Variants in TASP1 observed in about 807,000 individuals in gnomAD.
TASP1 encodes the protein taspase 1.
TASP1 carries 16 observed loss-of-function variants against 56.6 expected under a neutral mutation model. That is an observed-to-expected ratio of 0.28 (90% CI 0.19 to 0.43). The LOEUF is 0.43. Ranked by LOEUF, TASP1 falls within the 20% of genes least tolerant of loss-of-function variation. The probability of loss-of-function intolerance (pLI) is 1.00; values close to 1 mark genes in which losing one functional copy is unlikely to be tolerated. For synonymous variants in TASP1, 179 were observed against 184.2 expected (o/e 0.97, Z 0.23); for missense variants, 393 against 511.6 (o/e 0.77, Z 2.24).
chr20:13,396,320 TAG>T (rs1295609443), intron 13 of TASP1, among the ~76,000 whole-genome samples: 1 of 152,368 alleles, frequency 6.6e-6, no homozygotes, highest in East Asian at 1.9e-4. Flanking sequence ...GCTCTAAAAA[TAG>T]AGTTTGGTCG....
chr20:13,151,031 T>C, the TASP1 span, among the ~76,000 whole-genome samples: 6 of 152,220 alleles, frequency 3.9e-5, no homozygotes, highest in African/African-American at 1.2e-4. Flanking sequence ...TTTATTAATG[T>C]CTGTTTCTCT....
intron 8 of TASP1, among the ~76,000 whole-genome samples, chr20:13,548,546 G>T (rs944637486): frequency 2.6e-5 from 4 of 152,152 alleles, no homozygotes; most frequent in Admixed American, 2.6e-4. Flanking sequence ...GGAAAATAAA[G>T]AGCAAGGAGC....
chr20:13,288,441 G>T, the TASP1 span: 20 of 1,298,274 alleles, frequency 1.5e-5, no homozygotes, highest in Non-Finnish European at 1.8e-5. Context: ...CCCTCCCACA[G>T]CGAGAAGGAT....
At chr20:13,151,364 C>A in the TASP1 span, among the ~76,000 whole-genome samples, 1 of 152,208 alleles carries the variant, frequency 6.6e-6, no homozygotes, top group Admixed American at 6.5e-5. Context: ...TCCTTGCTAA[C>A]ACCCAAGTGG....
chr20:13,221,768 C>G, the TASP1 span: 2 of 1,436,056 alleles, frequency 1.4e-6, no homozygotes, highest in Non-Finnish European at 1.8e-6. Flanking sequence ...AGCCGCGCGT[C>G]TCAAAAGGAT....
the TASP1 span, among the ~76,000 whole-genome samples, chr20:13,136,956 A>C: frequency 6.6e-6 from 1 of 152,064 alleles, no homozygotes; most frequent in Non-Finnish European, 1.5e-5. Context: ...TCTACTTTCC[A>C]TAGGAAGAAA....
chr20:13,145,958 A>G, the TASP1 span, among the ~76,000 whole-genome samples: 20 of 152,370 alleles, frequency 1.3e-4, no homozygotes, highest in African/African-American at 4.8e-4. Context: ...TAATTCTGCC[A>G]TAAAGCCACA....
chr20:13,396,452 A>G (rs1363601713), intron 13 of TASP1, among the ~76,000 whole-genome samples: 1 of 152,176 alleles, frequency 6.6e-6, no homozygotes, highest in Admixed American at 6.5e-5. Context: ...ACTATGGGTG[A>G]AAAGATCTGG....
the TASP1 span, among the ~76,000 whole-genome samples, chr20:13,324,228 C>T: frequency 1.3e-5 from 2 of 152,198 alleles, no homozygotes; most frequent in African/African-American, 2.4e-5. Context: ...TGGGTTGTCT[C>T]TGACTTTCAC....
rs564634388 is a variant in TASP1 at position 13,393,176 on chromosome 20, T to C, written c.1171-2724A>G. On this transcript the variant is annotated intron_variant, in intron 13 of 13. Coordinates refer to ENST00000337743, the MANE Select transcript of TASP1 (RefSeq NM_017714.3). Reference sequence around the variant, plus strand: ...TGGCCAAAGCCATCTATGACAACTTTGGTATCATGGAAGGATTCATGACCA... The same window carrying C: ...TGGCCAAAGCCATCTATGACAACTTCGGTATCATGGAAGGATTCATGACCA... 15 of 687,552 alleles carry C rather than the reference T, an allele frequency of 2.2e-5. No homozygotes were observed. The African/African-American group carries it at 2.5e-4, about 11-fold the overall frequency. 42.6% of individuals were successfully genotyped at this position (687,552 alleles called of 1,614,324 possible).
intron 12 of TASP1, among the ~76,000 whole-genome samples, 162 bp from the exon 13 acceptor site, chr20:13,417,683 CTG>C (rs1235675368): frequency 6.6e-6 from 1 of 152,230 alleles, no homozygotes; most frequent in African/African-American, 2.4e-5. Context: ...ATCACTAAAA[CTG>C]TGTAATGCCA....
chr20:13,480,902 C>A (rs2043116886), intron 11 of TASP1, among the ~76,000 whole-genome samples: 1 of 152,072 alleles, frequency 6.6e-6, no homozygotes, highest in Non-Finnish European at 1.5e-5. Flanking sequence ...AATAATCACA[C>A]CATCAACTAT....
the TASP1 span, among the ~76,000 whole-genome samples, chr20:13,323,613 A>G: frequency 6.6e-6 from 1 of 152,240 alleles, no homozygotes; most frequent in Non-Finnish European, 1.5e-5. Flanking sequence ...TAATCTTTAT[A>G]ACTACCATAC....
the TASP1 span, among the ~76,000 whole-genome samples, chr20:13,262,466 T>A: frequency 7.1e-6 from 1 of 140,804 alleles, no homozygotes; most frequent in Non-Finnish European, 1.6e-5. Context: ...TTTCTTTTTC[T>A]TTTTTTTTTT....
chr20:13,193,121 G>A, the TASP1 span, among the ~76,000 whole-genome samples: 2 of 151,944 alleles, frequency 1.3e-5, no homozygotes, highest in South Asian at 4.2e-4. Flanking sequence ...TGCTAAGTGG[G>A]GAGATAAAAT....
chr20:13,128,214 CAAG>C, the TASP1 span, among the ~76,000 whole-genome samples: 1 of 152,144 alleles, frequency 6.6e-6, no homozygotes, highest in Non-Finnish European at 1.5e-5. Context: ...AGGTGATCGA[CAAG>C]TATTTGAAGC....
chr20:13,210,112 C>G, the TASP1 span, among the ~76,000 whole-genome samples: 1 of 152,134 alleles, frequency 6.6e-6, no homozygotes, highest in African/African-American at 2.4e-5. Flanking sequence ...TGTTTTGCAT[C>G]TAGTTATTTT....
the TASP1 span, among the ~76,000 whole-genome samples, chr20:13,343,594 GC>G: frequency 1.9e-5 from 1 of 52,492 alleles, no homozygotes; most frequent in Admixed American, 1.5e-4. Flanking sequence ...CCCCGCCCCC[GC>G]CCCCACTGTG....
chr20:13,282,918 G>A, the TASP1 span, among the ~76,000 whole-genome samples: 1 of 152,202 alleles, frequency 6.6e-6, no homozygotes, highest in Admixed American at 6.5e-5. Flanking sequence ...GTAGCATTTG[G>A]CAGAATGAAT....
Sources: allele counts gnomAD v4.1 joint callset (sites outside exome capture counted in the v4.1 genomes callset), GRCh38; gene constraint gnomAD v4.1.1; transcripts MANE v1.5; gene names NCBI Gene and HGNC (gene_info 2026-07-23, HGNC 2026-07-21).